TGFBR1: variants seen among roughly 807,000 people sequenced by gnomAD.
The protein encoded by TGFBR1 is TGF-beta receptor type-1.
A neutral mutation model predicts 55.1 loss-of-function variants in TGFBR1; 20 were observed. The ratio of observed to expected loss-of-function variants is 0.36; its 90% confidence interval spans 0.26 to 0.53. The LOEUF is 0.53. TGFBR1 is among the 20% of genes least tolerant of loss of function. The pLI is 0.91. For missense variants in TGFBR1, 385 were observed against 617.6 expected, an observed-to-expected ratio of 0.62 and a Z score of 3.99; for synonymous variants, 220 against 214.8, an observed-to-expected ratio of 1.02 and a Z score of -0.21.
At chr9:99,138,985 A>G (rs1385160436) in intron 4 of TGFBR1, among the ~76,000 whole-genome samples, 1 of 151,978 alleles carries the variant, frequency 6.6e-6, no homozygotes, top group East Asian at 1.9e-4. Context: ...TTTAGTAGAG[A>G]TGGGGTTTCA....
chr9:99,137,725 C>A (rs11568777), intron 3 of TGFBR1, 134 bp from the exon 4 acceptor site: 10 of 677,772 alleles, frequency 1.5e-5, no homozygotes, highest in Admixed American at 4.8e-5. Context: ...AATATAATAT[C>A]TCCCCAGTGA....
intron 2 of TGFBR1, among the ~76,000 whole-genome samples, chr9:99,131,150 C>T (rs1827211448): frequency 6.6e-6 from 1 of 150,986 alleles, no homozygotes; most frequent in Admixed American, 6.6e-5. Flanking sequence ...GTATCAATTT[C>T]AAGAATAAAA....
intron 3 of TGFBR1, among the ~76,000 whole-genome samples, chr9:99,133,751 A>C (rs1369620115): frequency 6.6e-6 from 1 of 152,238 alleles, no homozygotes; most frequent in Non-Finnish European, 1.5e-5. Context: ...GTCATCTTCA[A>C]ATAAGGGCTA....
In TGFBR1 at chr9:99,147,641, TA is replaced by T. The variant is rs753425674; in HGVS notation, c.1256-10del. 5 of 1,611,530 alleles carry T rather than the reference TA, an allele frequency of 3.1e-6. No individual in the cohort carries two copies. Among genetic ancestry groups the T allele is most frequent in the Non-Finnish European group, 4.2e-6 (5 of 1,178,588 alleles). ...AAATTCATCAAAATTTAATTTTTTTTAAACTGATACAGGAATTCATGAAGAT... is the reference window on the plus strand; with the variant it reads ...AAATTCATCAAAATTTAATTTTTTTTAACTGATACAGGAATTCATGAAGAT... On this transcript the variant is annotated splice_polypyrimidine_tract_variant and intron_variant, in intron 7 of 8. Coordinates refer to ENST00000374994, the MANE Select transcript of TGFBR1 (RefSeq NM_004612.4).
At position 99,144,849 on chromosome 9, in the gene TGFBR1, C is replaced by G. The variant is rs201050937; in HGVS notation, c.1091C>G (p.Thr364Ser). ...GTAAGACATGATTCAGCCACAGATA[C>G]CATTGATATTGCTCCAAACCACAGA... ...LAVRHDSATD[T>S]IDIAPNHRVG... Residue 364 changes from threonine to serine, a missense_variant, in exon 6 of 9, where the codon ACC (threonine) becomes AGC (serine). Around this residue, in one of 5 missense-constraint regions of TGFBR1, gnomAD observed 85 missense variants for 228.4 expected, o/e 0.37. Transcript: ENST00000374994. 56 of 1,613,874 alleles carry G rather than the reference C, an allele frequency of 3.5e-5. No homozygotes were observed. The highest frequency in any genetic ancestry group is 4.6e-5 in the Non-Finnish European group (54 of 1,179,924).
intron 2 of TGFBR1, among the ~76,000 whole-genome samples, chr9:99,131,711 G>A (rs1395102595): frequency 1.3e-5 from 2 of 152,130 alleles, no homozygotes; most frequent in African/African-American, 4.8e-5. Flanking sequence ...GCTCATGCCT[G>A]TAATCCCAGC....
intron 1 of TGFBR1, among the ~76,000 whole-genome samples, chr9:99,114,825 A>G (rs564719102): frequency 6.6e-6 from 1 of 152,278 alleles, no homozygotes; most frequent in African/African-American, 2.4e-5. Context: ...AGAGCCAGAC[A>G]TTTACCTTCA....
At chr9:99,147,920 A>C in intron 8 of TGFBR1, 136 bp downstream of exon 8, 1 of 1,072,672 alleles carries the variant, frequency 9.3e-7, no homozygotes, top group Non-Finnish European at 1.4e-6. Flanking sequence ...ATGTTTAAAA[A>C]CAGAATAATT....
At chr9:99,120,033 G>T (rs945702007) in intron 1 of TGFBR1, among the ~76,000 whole-genome samples, 1 of 152,196 alleles carries the variant, frequency 6.6e-6, no homozygotes, top group Non-Finnish European at 1.5e-5. Context: ...ATTTTATTAT[G>T]TGCTGGGCAC....
In TGFBR1 at chr9:99,132,580, A is replaced by G. The variant is rs148176750; in HGVS notation, c.415A>G (p.Ile139Val). Residue 139 changes from isoleucine to valine, a missense_variant, in exon 3 of 9, where the codon ATC (isoleucine) becomes GTC (valine). By Grantham distance (29) the Ile-to-Val change is conservative. Around this residue, in one of 5 missense-constraint regions of TGFBR1, gnomAD observed 146 missense variants for 167.7 expected, o/e 0.87. Transcript: ENST00000374994. The part of the protein sequence containing the change: ...VIAGPVCFVC[I>V]SLMLMVYICH... ...TGCTGGACCAGTGTGCTTCGTCTGC[A>G]TCTCACTCATGTTGATGGTCTATAT... 1.4e-4 allele frequency: 230 copies of G among 1,614,184 alleles called. 1 individual carries two copies. Among genetic ancestry groups the G allele is most frequent in the Admixed American group, 3.2e-4 (19 of 60,014 alleles).
chr9:99,153,793 A>G lies in TGFBR1; in HGVS notation c.*4488A>G, dbSNP rs939603491. 1.4e-5 allele frequency: 3 copies of G among 208,046 alleles called. No individual in the cohort carries two copies. The highest frequency in any genetic ancestry group is 5.9e-5 in the Admixed American group (1 of 16,886). 12.9% of individuals were successfully genotyped at this position (208,046 alleles called of 1,614,324 possible). ...CCTGCCTAGTGCAAGTTACAATATT[A>G]TAGCGTGTTCGGGGAGTGCCCTCCT... On this transcript the variant is annotated 3_prime_UTR_variant, in exon 9 of 9. Transcript: ENST00000374994.
rs11568767 is a variant in TGFBR1 at position 99,132,990 on chromosome 9, C to T, written c.574+251C>T. Among the ~76,000 whole-genome samples the T allele has an allele frequency of 3.5e-3, 540 of 152,268 alleles. 3 individuals carry two copies. Among genetic ancestry groups the T allele is most frequent in the African/African-American group, 0.012 (489 of 41,566 alleles). On this transcript the variant is annotated intron_variant, in intron 3 of 8. Coordinates refer to ENST00000374994, the MANE Select transcript of TGFBR1 (RefSeq NM_004612.4). ...CTCCATGGTGGTATAAATTTCAAAG[C>T]GTTCTCACTTGTATAATCTAATTTG...
Position 99,151,567 on chromosome 9 carries a change from G to T in TGFBR1, c.*2262G>T, listed in dbSNP as rs200653031. On this transcript the variant is annotated 3_prime_UTR_variant, in exon 9 of 9. Transcript: ENST00000374994. ...GTAATACATGATTTCTCACTTTCAT[G>T]TAAGGTTATCCACTTTTGCTGAAGA... is the stretch of plus-strand genomic sequence containing the variant. The T allele has an allele frequency of 6.1e-4, 140 of 230,150 alleles. No homozygotes were observed. Among genetic ancestry groups the T allele is most frequent in the African/African-American group, 2.9e-3 (129 of 45,262 alleles). 14.3% of individuals were successfully genotyped at this position (230,150 alleles called of 1,614,324 possible).
At position 99,128,938 on chromosome 9, in the gene TGFBR1, A is replaced by G; in HGVS notation, c.181A>G (p.Thr61Ala). 1 of 1,613,986 alleles carries G rather than the reference A, an allele frequency of 6.2e-7. No individual in the cohort carries two copies. Among genetic ancestry groups the G allele is most frequent in the Non-Finnish European group, 8.5e-7 (1 of 1,179,948 alleles). Residue 61 changes from threonine to alanine, a missense_variant, in exon 2 of 9, where the codon ACC (threonine) becomes GCC (alanine). Thr to Ala is a moderately conservative substitution (Grantham distance 58, BLOSUM62 0). Coordinates refer to ENST00000374994, the MANE Select transcript of TGFBR1 (RefSeq NM_004612.4). Reference sequence around the variant, plus strand: ...GCTCTGCTTTGTCTCTGTCACAGAGACCACAGACAAAGTTATACACAACAG... The same window carrying G: ...GCTCTGCTTTGTCTCTGTCACAGAGGCCACAGACAAAGTTATACACAACAG... Reference protein sequence around the residue: ...DGLCFVSVTETTDKVIHNSMC... With the variant: ...DGLCFVSVTEATDKVIHNSMC...
intron 1 of TGFBR1, among the ~76,000 whole-genome samples, chr9:99,118,935 C>G (rs1302589381): frequency 6.6e-6 from 1 of 152,178 alleles, no homozygotes; most frequent in Non-Finnish European, 1.5e-5. Context: ...AGAAATCTCC[C>G]TTTTCTGTCC....
At chr9:99,142,460 T>A (rs1234395418) in intron 4 of TGFBR1, 76 bp from the exon 5 acceptor site, 4 of 1,536,698 alleles carry the variant, frequency 2.6e-6, no homozygotes, top group Non-Finnish European at 3.6e-6. Flanking sequence ...GGATTGAGAG[T>A]AAAAAGTAAT....
In TGFBR1 at chr9:99,117,540, G is replaced by A. The variant is rs570583188; in HGVS notation, c.98-11315G>A. On this transcript the variant is annotated intron_variant, in intron 1 of 8. Transcript: ENST00000374994. ...GTATCTGGAGTTGGTTATTTATTAT[G>A]GTATGAGATTTTTATTATTTTTAAA... Among the ~76,000 whole-genome samples the A allele has an allele frequency of 1.6e-4, 24 of 152,168 alleles. No individual in the cohort carries two copies. The South Asian group carries it at 2.7e-3, about 17-fold the overall frequency.
chr9:99,139,323 C>G (rs920931796), intron 4 of TGFBR1, among the ~76,000 whole-genome samples: 1 of 151,810 alleles, frequency 6.6e-6, no homozygotes, highest in African/African-American at 2.4e-5. Flanking sequence ...AGTGTTTAAC[C>G]TCAGTTGGTA....
intron 1 of TGFBR1, among the ~76,000 whole-genome samples, chr9:99,114,662 C>T (rs1826682481): frequency 6.6e-6 from 1 of 152,176 alleles, no homozygotes; most frequent in Admixed American, 6.5e-5. Flanking sequence ...AAGGCTAGGA[C>T]ATTTAAATCA....
Sources: gnomAD v4.1 joint callset for allele counts (sites outside exome capture counted in the v4.1 genomes callset) on GRCh38, gnomAD v4.1.1 for gene constraint, gnomAD v4.1.1 regional missense constraint, MANE v1.5 for transcripts, NCBI Gene and HGNC (gene_info 2026-07-23, HGNC 2026-07-21) for gene names.